ERBB4: variants seen among roughly 807,000 people sequenced by gnomAD.
ERBB4 encodes erb-b2 receptor tyrosine kinase 4, also known as receptor tyrosine-protein kinase erbB-4.
Under a neutral mutation model 158.0 loss-of-function variants are expected in ERBB4, and 42 were observed. The observed-to-expected ratio is 0.27, with a 90% CI of 0.21 to 0.34. The LOEUF (loss-of-function observed/expected upper bound fraction) is 0.34, where lower values mean the gene tolerates loss of function less well. Ranked by LOEUF, ERBB4 falls within the 10% of genes least tolerant of loss-of-function variation. The pLI, the probability that ERBB4 is intolerant of heterozygous loss-of-function variation, is 1.00. For synonymous variants in ERBB4, 583 were observed against 558.7 expected, an observed-to-expected ratio of 1.04 and a Z score of -0.61; for missense variants, 1,333 against 1,624.1, an observed-to-expected ratio of 0.82 and a Z score of 3.08.
chr2:212,340,044 AT>A (rs1487572229), intron 1 of ERBB4, among the ~76,000 whole-genome samples: 6 of 111,668 alleles, frequency 5.4e-5, no homozygotes, highest in Admixed American at 1.0e-4. Context: ...TCAAATTAAT[AT>A]TCTTTTTTTT....
intron 16 of ERBB4, among the ~76,000 whole-genome samples, chr2:211,653,896 G>A (rs1422362382): frequency 6.6e-5 from 10 of 151,890 alleles, no homozygotes; most frequent in Non-Finnish European, 1.0e-4. Context: ...GGCTTGTCTC[G>A]TTCGCCTGAC....
chr2:211,780,272 G>C (rs1350892486), intron 4 of ERBB4, among the ~76,000 whole-genome samples: 5 of 152,116 alleles, frequency 3.3e-5, no homozygotes, highest in African/African-American at 1.2e-4. Context: ...GCTGAAACAG[G>C]AGGATTGCCT....
At chr2:211,970,118 C>T (rs2081410428) in intron 2 of ERBB4, among the ~76,000 whole-genome samples, 1 of 152,052 alleles carries the variant, frequency 6.6e-6, no homozygotes, top group African/African-American at 2.4e-5. Context: ...GTTTCAAAAA[C>T]TTCTTGAATT....
At chr2:211,677,334 G>A (rs976288213) in intron 13 of ERBB4, among the ~76,000 whole-genome samples, 2 of 152,066 alleles carry the variant, frequency 1.3e-5, no homozygotes, top group Non-Finnish European at 1.5e-5. Context: ...GGAGGCCGAG[G>A]CAGGCAGATC....
chr2:211,503,100 C>T (rs1015095898), intron 20 of ERBB4, among the ~76,000 whole-genome samples: 1 of 152,124 alleles, frequency 6.6e-6, no homozygotes, highest in Non-Finnish European at 1.5e-5. Context: ...TGGGACACCA[C>T]ATTCCCACTG....
chr2:211,718,312 A>C (rs2073989245), intron 7 of ERBB4, among the ~76,000 whole-genome samples: 1 of 152,220 alleles, frequency 6.6e-6, no homozygotes, highest in African/African-American at 2.4e-5. Context: ...CGAAGCCACG[A>C]TCCATAGCCA....
chr2:212,300,567 T>C (rs919788097), intron 1 of ERBB4, among the ~76,000 whole-genome samples: 5 of 151,516 alleles, frequency 3.3e-5, no homozygotes, highest in African/African-American at 1.2e-4. Context: ...GAAAACTGTT[T>C]TGAATAATGA....
chr2:211,800,659 T>TA (rs35946148), intron 3 of ERBB4, among the ~76,000 whole-genome samples: 5,383 of 128,554 alleles, frequency 0.042, 152 homozygotes, highest in Non-Finnish European at 0.063. Context: ...AACTGTGCGT[T>TA]AAAAAAAAAA....
chr2:212,150,429 A>G (rs1575708195), intron 1 of ERBB4, among the ~76,000 whole-genome samples: 1 of 152,284 alleles, frequency 6.6e-6, no homozygotes, highest in East Asian at 1.9e-4. Flanking sequence ...ATGTACAACA[A>G]CTTATTTCCA....
At chr2:211,541,894 T>C (rs1341379618) in intron 20 of ERBB4, among the ~76,000 whole-genome samples, 3 of 152,040 alleles carry the variant, frequency 2.0e-5, no homozygotes, top group Non-Finnish European at 4.4e-5. Flanking sequence ...CTCACATCTC[T>C]ACCAGGTAAA....
At chr2:211,877,616 T>C (rs2078542113) in intron 3 of ERBB4, among the ~76,000 whole-genome samples, 1 of 151,940 alleles carries the variant, frequency 6.6e-6, no homozygotes, top group South Asian at 2.1e-4. Context: ...GACATTAAAA[T>C]ATGTTTGCTA....
chr2:211,443,906 C>T (rs2064047877), intron 20 of ERBB4, among the ~76,000 whole-genome samples: 1 of 151,998 alleles, frequency 6.6e-6, no homozygotes, highest in Non-Finnish European at 1.5e-5. Context: ...TTGTCCAGCA[C>T]CTTGCATTAC....
At chr2:212,223,057 T>A (rs937316775) in intron 1 of ERBB4, among the ~76,000 whole-genome samples, 17 of 151,452 alleles carry the variant, frequency 1.1e-4, no homozygotes, top group African/African-American at 3.4e-4. Flanking sequence ...AAATAACTCT[T>A]AGGGGGCTAG....
At chr2:211,396,184 C>T (rs549134916) in intron 25 of ERBB4, among the ~76,000 whole-genome samples, 1 of 151,998 alleles carries the variant, frequency 6.6e-6, no homozygotes, top group South Asian at 2.1e-4. Flanking sequence ...TATATATGTG[C>T]ATACACATGT....
At chr2:211,792,569 G>T (rs1487488331) in intron 3 of ERBB4, among the ~76,000 whole-genome samples, 1 of 151,568 alleles carries the variant, frequency 6.6e-6, no homozygotes, top group South Asian at 2.1e-4. Flanking sequence ...AAATAATGAC[G>T]ATCTTTAGCT....
chr2:212,517,128 C>CTCA (rs1449194587), intron 1 of ERBB4, among the ~76,000 whole-genome samples: 2 of 152,072 alleles, frequency 1.3e-5, no homozygotes. Flanking sequence ...TTGAAATTTT[C>CTCA]ATTGAGAAAG....
At chr2:212,419,126 G>T (rs1002644720) in intron 1 of ERBB4, among the ~76,000 whole-genome samples, 2 of 150,178 alleles carry the variant, frequency 1.3e-5, no homozygotes, top group Admixed American at 1.3e-4. Context: ...TAACATTTCA[G>T]TTAAGGGCAC....
chr2:212,387,380 A>G (rs1287104920), intron 1 of ERBB4, among the ~76,000 whole-genome samples: 1 of 152,150 alleles, frequency 6.6e-6, no homozygotes, highest in African/African-American at 2.4e-5. Flanking sequence ...AATTCACCAT[A>G]ATAAGGCTTT....
chr2:211,490,871 T>C (rs2065324315), intron 20 of ERBB4, among the ~76,000 whole-genome samples: 1 of 152,136 alleles, frequency 6.6e-6, no homozygotes, highest in African/African-American at 2.4e-5. Context: ...TAATCACATA[T>C]GCAAGCATAT....
Sources: gnomAD v4.1 joint callset for allele counts (sites outside exome capture counted in the v4.1 genomes callset) on GRCh38, gnomAD v4.1.1 for gene constraint, MANE v1.5 for transcripts, NCBI Gene and HGNC (gene_info 2026-07-23, HGNC 2026-07-21) for gene names.